Variants in UNC5C observed in about 807,000 individuals in gnomAD.
UNC5C encodes unc-5 netrin receptor C, also known as netrin receptor UNC5C.
In UNC5C, 47 loss-of-function variants were observed where a neutral mutation model predicts 99.8. The observed-to-expected ratio is 0.47, with a 90% CI of 0.37 to 0.60. The LOEUF is 0.60. Among genes scored for constraint, UNC5C ranks in the 20% least tolerant of loss-of-function variants. UNC5C has a pLI of 0.00. For synonymous variants in UNC5C, 487 were observed against 452.2 expected (o/e 1.08, Z -0.98); for missense variants, 1,062 against 1,165.9 (o/e 0.91, Z 1.30).
intron 1 of UNC5C, among the ~76,000 whole-genome samples, chr4:95,392,963 C>T (rs1745405053): frequency 6.6e-6 from 1 of 152,122 alleles, no homozygotes; most frequent in African/African-American, 2.4e-5. Flanking sequence ...AAGACATATA[C>T]ATCTCACATT....
intron 1 of UNC5C, among the ~76,000 whole-genome samples, chr4:95,461,816 A>G (rs1747608735): frequency 6.6e-6 from 1 of 152,200 alleles, no homozygotes; most frequent in Admixed American, 6.5e-5. Context: ...GATAGTGACC[A>G]TGCTTGCAAA....
At chr4:95,542,891 T>C (rs1185424522) in intron 1 of UNC5C, among the ~76,000 whole-genome samples, 1 of 152,062 alleles carries the variant, frequency 6.6e-6, no homozygotes, top group Non-Finnish European at 1.5e-5. Context: ...TCTCTGTAAG[T>C]TTGAAAATAA....
At chr4:95,518,940 G>A (rs1051900772) in intron 1 of UNC5C, among the ~76,000 whole-genome samples, 13 of 152,072 alleles carry the variant, frequency 8.5e-5, no homozygotes, top group African/African-American at 3.1e-4. Context: ...TTCCCAAAGT[G>A]TCTTATTTGA....
At chr4:95,545,097 G>A (rs541653479) in intron 1 of UNC5C, among the ~76,000 whole-genome samples, 69 of 152,250 alleles carry the variant, frequency 4.5e-4, no homozygotes, top group African/African-American at 1.6e-3. Flanking sequence ...ATGTCCTTAG[G>A]GGGGGTTGCT....
chr4:95,256,714 A>ATATATATATATATATATATATATATATG (rs1579272889), intron 4 of UNC5C, among the ~76,000 whole-genome samples: 36 of 127,156 alleles, frequency 2.8e-4, no homozygotes, highest in South Asian at 8.2e-4. Context: ...ATATATATAT[A>ATATATATATATATATATATATATATATG]TATATATGAG....
intron 1 of UNC5C, among the ~76,000 whole-genome samples, chr4:95,404,615 A>T (rs1295773042): frequency 1.3e-5 from 2 of 152,144 alleles, no homozygotes; most frequent in East Asian, 3.9e-4. Context: ...GATCTCTAAG[A>T]GTGCTACTGA....
At chr4:95,189,062 G>A (rs1235899844) in intron 12 of UNC5C, among the ~76,000 whole-genome samples, 3 of 152,134 alleles carry the variant, frequency 2.0e-5, no homozygotes, top group Non-Finnish European at 2.9e-5. Context: ...GAGAAATATC[G>A]TGACCCTGGA....
chr4:95,220,223 C>A, intron 7 of UNC5C, 47 bp from the exon 8 acceptor site: 1 of 1,553,290 alleles, frequency 6.4e-7, no homozygotes, highest in South Asian at 1.2e-5. Context: ...TAGAAATTTC[C>A]CACAGTACAC....
intron 12 of UNC5C, among the ~76,000 whole-genome samples, chr4:95,190,826 T>G (rs1304108307): frequency 1.3e-5 from 2 of 152,186 alleles, no homozygotes; most frequent in African/African-American, 4.8e-5. Flanking sequence ...CTGCGGGCGC[T>G]GCCTCCAAAG....
intron 2 of UNC5C, among the ~76,000 whole-genome samples, chr4:95,312,049 AAAACAAAC>A (rs752059068): frequency 1.3e-5 from 2 of 152,140 alleles, no homozygotes; most frequent in African/African-American, 4.8e-5. Context: ...CCAATCTCAA[AAAACAAAC>A]AAACAAACAA....
chr4:95,283,530 G>T (rs574452558), intron 3 of UNC5C, among the ~76,000 whole-genome samples: 1 of 152,350 alleles, frequency 6.6e-6, no homozygotes, highest in African/African-American at 2.4e-5. Flanking sequence ...ACTCTGCGAA[G>T]GGAGGGTAGA....
At chr4:95,264,358 T>C (rs1740357844) in intron 4 of UNC5C, among the ~76,000 whole-genome samples, 1 of 152,204 alleles carries the variant, frequency 6.6e-6, no homozygotes, top group Admixed American at 6.5e-5. Context: ...GGTAACTTTC[T>C]AATATTTGTC....
intron 1 of UNC5C, among the ~76,000 whole-genome samples, chr4:95,351,102 A>G (rs2149429384): frequency 6.6e-6 from 1 of 152,166 alleles, no homozygotes; most frequent in South Asian, 2.1e-4. Flanking sequence ...CATAACTCTT[A>G]CACATTTCTC....
chr4:95,254,600 A>G (rs980884491), intron 4 of UNC5C, among the ~76,000 whole-genome samples: 11 of 152,180 alleles, frequency 7.2e-5, no homozygotes, highest in African/African-American at 2.7e-4. Flanking sequence ...ATAGACATAT[A>G]GAATCTAAGG....
At chr4:95,469,807 CAT>C (rs1747911463) in intron 1 of UNC5C, among the ~76,000 whole-genome samples, 2 of 152,200 alleles carry the variant, frequency 1.3e-5, no homozygotes, top group East Asian at 1.9e-4. Flanking sequence ...AGAAAATAAA[CAT>C]GTGGGAACCC....
chr4:95,362,989 G>A (rs937706990), intron 1 of UNC5C, among the ~76,000 whole-genome samples: 3 of 151,912 alleles, frequency 2.0e-5, no homozygotes, highest in African/African-American at 7.2e-5. Flanking sequence ...TCTAGGGGGC[G>A]CCGTTCATAT....
chr4:95,487,121 A>G (rs2149480092), intron 1 of UNC5C, among the ~76,000 whole-genome samples: 1 of 151,850 alleles, frequency 6.6e-6, no homozygotes, highest in African/African-American at 2.4e-5. Flanking sequence ...ATTCATGTTC[A>G]CTATAAATTA....
At chr4:95,282,258 A>T (rs11097464) in intron 3 of UNC5C, among the ~76,000 whole-genome samples, 102,645 of 152,098 alleles carry the variant, frequency 0.67, 35,679 homozygotes, top group African/African-American at 0.85. Flanking sequence ...ATAAAATTTT[A>T]AAAAATGGGG....
intron 1 of UNC5C, among the ~76,000 whole-genome samples, chr4:95,488,604 T>C (rs1721391984): frequency 6.6e-6 from 1 of 151,700 alleles, no homozygotes; most frequent in South Asian, 2.1e-4. Context: ...AGGAGAAAAA[T>C]GCACACTCAG....
Sources: gnomAD v4.1 joint callset for allele counts (sites outside exome capture counted in the v4.1 genomes callset) on GRCh38, gnomAD v4.1.1 for gene constraint, MANE v1.5 for transcripts, NCBI Gene and HGNC (gene_info 2026-07-23, HGNC 2026-07-21) for gene names.